PLCB1: variants seen among roughly 807,000 people sequenced by gnomAD.
PLCB1 encodes 1-phosphatidylinositol 4,5-bisphosphate phosphodiesterase beta-1.
In PLCB1, 46 loss-of-function variants were observed where a neutral mutation model predicts 161.8. The ratio of observed to expected loss-of-function variants is 0.28; its 90% CI spans 0.22 to 0.36. The LOEUF (loss-of-function observed/expected upper bound fraction) is 0.36. Among genes scored for constraint, PLCB1 ranks in the 10% least tolerant of loss-of-function variants. PLCB1 has a pLI of 1.00. For synonymous variants in PLCB1, 517 were observed against 503.7 expected (o/e 1.03, Z -0.35); for missense variants, 1,016 against 1,472.5 (o/e 0.69, Z 5.07).
chr20:8,610,397 TG>T (rs1402097874), intron 3 of PLCB1, among the ~76,000 whole-genome samples: 1 of 152,212 alleles, frequency 6.6e-6, no homozygotes, highest in African/African-American at 2.4e-5. Context: ...GATAGACATT[TG>T]GATTGTTTTT....
At chr20:8,732,248 A>C (rs1022715945) in intron 18 of PLCB1, 3 of 152,060 alleles carry the variant, frequency 2.0e-5, no homozygotes, top group Middle Eastern at 3.2e-3. Flanking sequence ...GAATAATAGA[A>C]TCCTCTTTTA....
intron 3 of PLCB1, among the ~76,000 whole-genome samples, chr20:8,627,606 A>G (rs2123215108): frequency 6.6e-6 from 1 of 152,312 alleles, no homozygotes; most frequent in Non-Finnish European, 1.5e-5. Context: ...TTTAGGTTTC[A>G]CTTTGAGCTT....
At chr20:8,205,686 G>A (rs1978489436) in intron 2 of PLCB1, among the ~76,000 whole-genome samples, 1 of 152,052 alleles carries the variant, frequency 6.6e-6, no homozygotes, top group African/African-American at 2.4e-5. Context: ...ATTTGCTTTA[G>A]GTATTTTAGT....
At chr20:8,472,001 A>T (rs115626696) in intron 3 of PLCB1, among the ~76,000 whole-genome samples, 1 of 152,190 alleles carries the variant, frequency 6.6e-6, no homozygotes, top group Non-Finnish European at 1.5e-5. Flanking sequence ...CAAAAAAAAT[A>T]GTCTTTGGCA....
intron 14 of PLCB1, among the ~76,000 whole-genome samples, chr20:8,719,408 A>T (rs73895116): frequency 0.04 from 6,043 of 152,270 alleles, 400 homozygotes; most frequent in African/African-American, 0.14. Context: ...TGGACACCAA[A>T]TACTCGTCAA....
chr20:8,856,724 G>A (rs1028861271), intron 31 of PLCB1, among the ~76,000 whole-genome samples: 1 of 152,224 alleles, frequency 6.6e-6, no homozygotes, highest in African/African-American at 2.4e-5. Flanking sequence ...GGACAGGATG[G>A]CTAGTGATTG....
At chr20:8,396,544 A>G (rs529714112) in intron 3 of PLCB1, among the ~76,000 whole-genome samples, 2 of 152,216 alleles carry the variant, frequency 1.3e-5, no homozygotes, top group Non-Finnish European at 2.9e-5. Context: ...ATAAAGGTTC[A>G]ATTTCAAAAA....
At chr20:8,640,576 TG>T (rs1357082122) in intron 4 of PLCB1, among the ~76,000 whole-genome samples, 6 of 152,012 alleles carry the variant, frequency 3.9e-5, no homozygotes, top group Non-Finnish European at 8.8e-5. Context: ...ATGAGACTGT[TG>T]GAAGAATCAT....
chr20:8,375,761 A>G lies in PLCB1; in HGVS notation c.246+4311A>G, dbSNP rs1488388810. ...TGCTGGCATCTCTACTTCCTCATCT[A>G]TGAAATGGGGCATGGGATACATGGT... On this transcript the variant is annotated intron_variant, in intron 3 of 31. Transcript: ENST00000338037. Among the ~76,000 whole-genome samples, 5 of 152,226 alleles carry G rather than the reference A, an allele frequency of 3.3e-5. No individual in the cohort carries two copies. The East Asian group carries it at 5.8e-4, about 18-fold the overall frequency.
chr20:8,132,812 TG>T lies in PLCB1; in HGVS notation c.99+67del, dbSNP rs2051306453. 4.3e-6 allele frequency: 5 copies of T among 1,160,726 alleles called. No homozygotes were observed. In the Admixed American group the frequency reaches 7.6e-5, roughly 18 times the overall value. 71.9% of individuals were successfully genotyped at this position (1,160,726 alleles called of 1,614,324 possible). On this transcript the variant is annotated intron_variant, in intron 1 of 31. Transcript: ENST00000338037. The surrounding 1 kb of genome is among the most constrained non-coding windows in gnomAD (Gnocchi z 5.2). ...CGGGCACCGGGCAGGGCGGGCGTCG[TG>T]GGGGTGGGGCAAGGGGCGCGTTATG...
At chr20:8,343,306 G>A (rs1480266407) in intron 2 of PLCB1, among the ~76,000 whole-genome samples, 1 of 152,196 alleles carries the variant, frequency 6.6e-6, no homozygotes, top group Non-Finnish European at 1.5e-5. Context: ...CCAAGGCAGA[G>A]GAGGCCTCAA....
intron 3 of PLCB1, among the ~76,000 whole-genome samples, chr20:8,595,265 A>G (rs28751886): frequency 8.4e-6 from 1 of 118,638 alleles, no homozygotes; most frequent in Non-Finnish European, 1.7e-5. Flanking sequence ...CCCACCCCAC[A>G]ACAGTCCCCA....
intron 2 of PLCB1, among the ~76,000 whole-genome samples, chr20:8,262,330 A>T (rs1452227219): frequency 6.6e-6 from 1 of 151,906 alleles, no homozygotes. Flanking sequence ...ACCTCAGGTG[A>T]TCCACCTGCC....
intron 2 of PLCB1, among the ~76,000 whole-genome samples, chr20:8,177,409 A>C (rs917878679): frequency 6.6e-6 from 1 of 152,168 alleles, no homozygotes; most frequent in African/African-American, 2.4e-5. Context: ...CAGTCTAAGT[A>C]CGGCATTTTG....
chr20:8,149,180 A>G (rs6055571), intron 1 of PLCB1, among the ~76,000 whole-genome samples: 4,391 of 152,304 alleles, frequency 0.029, 194 homozygotes, highest in African/African-American at 0.098. Flanking sequence ...GAACATTTTT[A>G]TGTGGCAAAC....
At chr20:8,684,517 G>A (rs1990312533) in intron 9 of PLCB1, among the ~76,000 whole-genome samples, 1 of 152,064 alleles carries the variant, frequency 6.6e-6, no homozygotes, top group Admixed American at 6.6e-5. Flanking sequence ...GCCTCCCAAA[G>A]TGCTGGGATT....
At chr20:8,333,258 G>T (rs766064894) in intron 2 of PLCB1, among the ~76,000 whole-genome samples, 1 of 152,118 alleles carries the variant, frequency 6.6e-6, no homozygotes, top group Non-Finnish European at 1.5e-5. Context: ...TACCCACATT[G>T]GATTTTCACA....
chr20:8,774,414 A>G (rs1442284837), intron 26 of PLCB1, 125 bp from the exon 27 acceptor site: 9 of 885,236 alleles, frequency 1.0e-5, no homozygotes, highest in South Asian at 3.9e-5. Flanking sequence ...CTCTACCCCA[A>G]GTGGCTTATG....
At chr20:8,568,460 A>G (rs1479072308) in intron 3 of PLCB1, among the ~76,000 whole-genome samples, 1 of 152,206 alleles carries the variant, frequency 6.6e-6, no homozygotes, top group East Asian at 1.9e-4. Context: ...AGCTCCATGA[A>G]GTACCCCACA....
Sources: allele counts gnomAD v4.1 joint callset (sites outside exome capture counted in the v4.1 genomes callset), GRCh38; gene constraint gnomAD v4.1.1; non-coding constraint Gnocchi (gnomAD v3.1); transcripts MANE v1.5; gene names NCBI Gene and HGNC (gene_info 2026-07-23, HGNC 2026-07-21).